The following UVRAG variants were observed in gnomAD, a reference collection of about 807,000 sequenced individuals.
UVRAG encodes the protein UV radiation resistance-associated gene protein.
A neutral mutation model predicts 78.0 loss-of-function variants in UVRAG; 19 were observed. That is an observed-to-expected ratio of 0.24 (90% CI 0.17 to 0.36). UVRAG has a LOEUF of 0.36. Among genes scored for constraint, UVRAG ranks in the 10% least tolerant of loss-of-function variants. UVRAG has a pLI of 1.00. For synonymous variants in UVRAG, 323 were observed against 324.6 expected (o/e 1.00, Z 0.05); for missense variants, 740 against 853.8 (o/e 0.87, Z 1.66).
At chr11:75,959,389 C>T (rs1032029846) in intron 6 of UVRAG, among the ~76,000 whole-genome samples, 2 of 152,224 alleles carry the variant, frequency 1.3e-5, no homozygotes, top group African/African-American at 4.8e-5. Context: ...GCACTTCCTG[C>T]TTCACCTTGC....
At chr11:75,928,711 G>A (rs781586155) in intron 6 of UVRAG, among the ~76,000 whole-genome samples, 5 of 151,998 alleles carry the variant, frequency 3.3e-5, no homozygotes, top group Non-Finnish European at 7.4e-5. Context: ...AGGCCCAGGT[G>A]GGCGGATCAC....
intron 12 of UVRAG, among the ~76,000 whole-genome samples, chr11:76,044,086 C>T (rs7110886): frequency 2.6e-5 from 4 of 152,156 alleles, no homozygotes; most frequent in African/African-American, 4.8e-5. Flanking sequence ...GCTCTGCCAT[C>T]CCTGGATTGT....
intron 1 of UVRAG, among the ~76,000 whole-genome samples, chr11:75,832,354 A>G (rs1182221889): frequency 6.6e-6 from 1 of 152,232 alleles, no homozygotes; most frequent in Non-Finnish European, 1.5e-5. Flanking sequence ...ATCAGCTATA[A>G]ACTGAAGGTT....
chr11:75,949,720 C>T (rs1295724823), intron 6 of UVRAG, among the ~76,000 whole-genome samples: 5 of 148,302 alleles, frequency 3.4e-5, no homozygotes, highest in East Asian at 2.0e-4. Flanking sequence ...TATATACACA[C>T]ACACACACAC....
At chr11:75,875,117 CT>C (rs1946737124) in intron 3 of UVRAG, among the ~76,000 whole-genome samples, 1 of 152,176 alleles carries the variant, frequency 6.6e-6, no homozygotes, top group East Asian at 1.9e-4. Flanking sequence ...TTTACTGTTG[CT>C]TTTTGGGGGA....
rs146099174 is a variant in UVRAG at position 76,036,839 on chromosome 11, G to A, written c.1226+19859G>A. ...ACTGTGAACAGTTTTTAAAAGGTAG[G>A]TGGAATAGTCTTTTTTAGAAAAAAA... On this transcript the variant is annotated intron_variant, in intron 12 of 14. Coordinates refer to ENST00000356136, the MANE Select transcript of UVRAG (RefSeq NM_003369.4). Among the ~76,000 whole-genome samples, 4 of 151,844 alleles carry A rather than the reference G, an allele frequency of 2.6e-5. No individual in the cohort carries two copies. In the East Asian group the frequency reaches 5.8e-4, roughly 22 times the overall value.
chr11:76,025,414 TC>T (rs760206342), intron 12 of UVRAG, among the ~76,000 whole-genome samples: 25 of 152,204 alleles, frequency 1.6e-4, no homozygotes, highest in Non-Finnish European at 2.8e-4. Flanking sequence ...TATGGCTTTT[TC>T]AAGGCCTTAA....
chr11:76,010,045 A>T (rs1253493971), intron 11 of UVRAG, among the ~76,000 whole-genome samples: 1 of 152,198 alleles, frequency 6.6e-6, no homozygotes, highest in Non-Finnish European at 1.5e-5. Context: ...TATAGCTAGG[A>T]TTTGTCTGGT....
intron 12 of UVRAG, among the ~76,000 whole-genome samples, chr11:76,057,716 T>G (rs11236608): frequency 0.032 from 4,101 of 129,470 alleles, 156 homozygotes; most frequent in African/African-American, 0.098. Flanking sequence ...ATGCAAGATG[T>G]TTTTTTTTTT....
chr11:75,822,091 C>T (rs1158785350), intron 1 of UVRAG, among the ~76,000 whole-genome samples: 3 of 151,926 alleles, frequency 2.0e-5, no homozygotes, highest in Non-Finnish European at 4.4e-5. Flanking sequence ...ATTACAGGCA[C>T]CCGCCACCAT....
At chr11:75,835,254 G>T (rs972377518) in intron 1 of UVRAG, 1 of 152,198 alleles carries the variant, frequency 6.6e-6, no homozygotes, top group African/African-American at 2.4e-5. Context: ...GCGGGAAAGA[G>T]TTGAGCAAAT....
intron 3 of UVRAG, among the ~76,000 whole-genome samples, chr11:75,875,773 G>T (rs1328683820): frequency 6.6e-6 from 1 of 152,112 alleles, no homozygotes; most frequent in Non-Finnish European, 1.5e-5. Flanking sequence ...CACTTATGCT[G>T]TTTAGGGGTA....
At chr11:75,938,079 G>A (rs984945945) in intron 6 of UVRAG, among the ~76,000 whole-genome samples, 3 of 148,014 alleles carry the variant, frequency 2.0e-5, no homozygotes, top group Non-Finnish European at 1.5e-5. Flanking sequence ...ATATGTATAT[G>A]TATATACACA....
rs1211753784 is a variant in UVRAG at position 76,140,808 on chromosome 11, C to A, written c.1495C>A (p.Pro499Thr). Residue 499 changes from proline (P) to threonine (T), a missense_variant, in exon 15 of 15, where the codon CCA becomes ACA. Physicochemically the swap from Pro to Thr is conservative, Grantham distance 38 (BLOSUM62 -1). Coordinates refer to ENST00000356136, the MANE Select transcript of UVRAG (RefSeq NM_003369.4). Reference protein sequence around the residue: ...DVGFSGGIPSPDKGHRKRASS... With the variant: ...DVGFSGGIPSTDKGHRKRASS... Reference sequence around the variant, plus strand: ...AGGCTTCTCTGGGGGGATCCCTTCACCAGACAAAGGACATCGAAAACGGGC... The same window carrying A: ...AGGCTTCTCTGGGGGGATCCCTTCAACAGACAAAGGACATCGAAAACGGGC... The A allele has an allele frequency of 6.8e-6, 11 of 1,614,000 alleles. No homozygotes were observed. The highest frequency in any genetic ancestry group is 9.3e-6 in the Non-Finnish European group (11 of 1,180,032).
chr11:75,885,034 T>A (rs1318155552), intron 4 of UVRAG, among the ~76,000 whole-genome samples: 1 of 152,116 alleles, frequency 6.6e-6, no homozygotes, highest in Non-Finnish European at 1.5e-5. Context: ...AAAAATTTTC[T>A]TGTAGTTTTC....
At chr11:75,870,871 T>C (rs1946632010) in intron 3 of UVRAG, among the ~76,000 whole-genome samples, 2 of 150,664 alleles carry the variant, frequency 1.3e-5, no homozygotes, top group South Asian at 2.1e-4. Context: ...CTTTGCTTTA[T>C]TTTATTTTTT....
At chr11:76,138,139 T>C (rs1952632767) in intron 14 of UVRAG, among the ~76,000 whole-genome samples, 1 of 152,230 alleles carries the variant, frequency 6.6e-6, no homozygotes, top group Admixed American at 6.5e-5. Flanking sequence ...TTAGAGTTTG[T>C]GGGCAAATGA....
At chr11:75,963,556 T>C (rs945445908) in intron 7 of UVRAG, among the ~76,000 whole-genome samples, 1 of 152,204 alleles carries the variant, frequency 6.6e-6, no homozygotes, top group Non-Finnish European at 1.5e-5. Flanking sequence ...TTCCAACCCA[T>C]CCATTTCCGA....
intron 6 of UVRAG, chr11:75,942,128 T>A (rs1305516392): frequency 6.6e-6 from 1 of 152,344 alleles, no homozygotes; most frequent in Non-Finnish European, 1.5e-5. Context: ...ATATCTGAAT[T>A]GTTGAATAAG....
Sources: gnomAD v4.1 joint callset for allele counts (sites outside exome capture counted in the v4.1 genomes callset) on GRCh38, gnomAD v4.1.1 for gene constraint, MANE v1.5 for transcripts, NCBI Gene and HGNC (gene_info 2026-07-23, HGNC 2026-07-21) for gene names.